Variants in ADIG observed in about 807,000 individuals in gnomAD.
The protein encoded by ADIG is adipogenesis associated.
Under a neutral mutation model 10.7 loss-of-function variants are expected in ADIG, and 12 were observed. That is an observed-to-expected ratio of 1.12 (90% CI 0.72 to 1.82). The LOEUF (loss-of-function observed/expected upper bound fraction) is 1.82, where lower values mean the gene tolerates loss of function less well. Among genes scored for constraint, ADIG ranks in the 40% most tolerant of loss-of-function variants. The pLI is 0.00. For missense variants in ADIG, 72 were observed against 92.5 expected (o/e 0.78, Z 0.91); for synonymous variants, 32 against 35.6 (o/e 0.90, Z 0.36).
In ADIG at chr20:38,586,212, T is replaced by C. The variant is rs1035584065; in HGVS notation, c.*14+51T>C. 1.2e-5 allele frequency: 18 copies of C among 1,468,300 alleles called. No homozygotes were observed. The Admixed American group carries it at 3.6e-4, about 30-fold the overall frequency. 91.0% of individuals were successfully genotyped at this position (1,468,300 alleles called of 1,614,324 possible). A position where few individuals can be genotyped will look rare whatever the true frequency, so the allele number is the denominator to read the frequency against. ...GAGCCTCAAGGCCCACCCAAAGCCT[T>C]GGGCAGCTGCTATGTGGGCAAGAGG... On this transcript the variant is annotated intron_variant, in intron 2 of 2. Coordinates refer to ENST00000537425, the MANE Select transcript of ADIG (RefSeq NM_001393816.1).
chr20:38,583,191 C>G (rs188669969), intron 1 of ADIG, among the ~76,000 whole-genome samples: 1 of 152,322 alleles, frequency 6.6e-6, no homozygotes, highest in African/African-American at 2.4e-5. Context: ...AGACCTTGTG[C>G]TAAACACTGG....
At position 38,581,382 on chromosome 20, in the gene ADIG, T is replaced by G. The variant is rs185271694; in HGVS notation, c.124+8T>G. 4.4e-4 allele frequency: 717 copies of G among 1,613,932 alleles called. No individual in the cohort carries two copies. Among genetic ancestry groups the G allele is most frequent in the Non-Finnish European group, 5.7e-4 (672 of 1,179,826 alleles). ...GCTTCTTACTTAGCCAAGGTGAGCT[T>G]CTTACCCCGTCCAGGCAGGACCCTA... On this transcript the variant is annotated splice_region_variant and intron_variant, in intron 1 of 2. Transcript: ENST00000537425.
In ADIG at chr20:38,586,031, T is replaced by A; in HGVS notation, c.127T>A (p.Ser43Thr). The change falls in exon 2 of 3, where the codon TCA (serine) becomes ACA (threonine). Residue 43 changes from serine to threonine, a missense_variant and splice_region_variant. Physicochemically the swap from Ser to Thr is moderately conservative, Grantham distance 58. Coordinates refer to ENST00000537425, the MANE Select transcript of ADIG (RefSeq NM_001393816.1). The part of the protein sequence containing the change: ...IWLRFLLSQD[S>T]EENDSSVCLD... The stretch of plus-strand genomic sequence containing the variant: ...GGCCTTGCCTCGTATCTCCACAGAT[T>A]CAGAGGAAAATGACTCCAGTGTGTG... The A allele has an allele frequency of 6.2e-7, 1 of 1,605,078 alleles. No individual in the cohort carries two copies. Among genetic ancestry groups the A allele is most frequent in the Non-Finnish European group, 8.5e-7 (1 of 1,175,934 alleles).
chr20:38,582,810 C>T (rs1261050845), intron 1 of ADIG, among the ~76,000 whole-genome samples: 1 of 151,740 alleles, frequency 6.6e-6, no homozygotes, highest in African/African-American at 2.4e-5. Flanking sequence ...CAGATATCAT[C>T]CTTTTTTTTT....
chr20:38,588,206 C>T lies in ADIG; in HGVS notation c.*120C>T. On this transcript the variant is annotated 3_prime_UTR_variant, in exon 3 of 3. Coordinates refer to ENST00000537425, the MANE Select transcript of ADIG (RefSeq NM_001393816.1). ...TGGCAACTGTGGTGCCTCCCTGGAA[C>T]CCCCAACTCATCTCCTCTTCAGACC... 3.1e-6 allele frequency: 4 copies of T among 1,304,668 alleles called. No homozygotes were observed. The highest frequency in any genetic ancestry group is 1.2e-5 in the South Asian group (1 of 81,022). The allele number at this position is 1,304,668 out of a possible 1,614,324, so 80.8% of individuals were successfully genotyped here. A position where few individuals can be genotyped will look rare whatever the true frequency, so the allele number is the denominator to read the frequency against.
At chr20:38,586,284 C>A in intron 2 of ADIG, 123 bp downstream of exon 2, 1 of 734,872 alleles carries the variant, frequency 1.4e-6, no homozygotes, top group Non-Finnish European at 2.2e-6. Flanking sequence ...TGCTGGATGA[C>A]GGGTTCTCTC....
intron 1 of ADIG, among the ~76,000 whole-genome samples, chr20:38,582,637 A>G (rs949066377): frequency 6.6e-6 from 1 of 152,112 alleles, no homozygotes; most frequent in African/African-American, 2.4e-5. Context: ...TTGTTTCTAG[A>G]AAGTGTTTAT....
At chr20:38,583,049 C>T (rs988273956) in intron 1 of ADIG, among the ~76,000 whole-genome samples, 1 of 152,098 alleles carries the variant, frequency 6.6e-6, no homozygotes, top group Non-Finnish European at 1.5e-5. Context: ...AACTCCTGAG[C>T]TCAGGTGATC....
At chr20:38,585,828 G>A in intron 1 of ADIG, 1 of 621,142 alleles carries the variant, frequency 1.6e-6, no homozygotes, top group Non-Finnish European at 2.8e-6. Context: ...CACAGGAGCA[G>A]CCTTCTTTCT....
intron 1 of ADIG, chr20:38,585,444 AAGTC>A (rs1296688206): frequency 3.9e-6 from 6 of 1,550,590 alleles, no homozygotes; most frequent in Non-Finnish European, 5.2e-6. Context: ...GATATTCTGC[AAGTC>A]AGAAGATACA....
intron 1 of ADIG, 41 bp downstream of exon 1, chr20:38,581,415 A>C (rs1396870569): frequency 6.2e-7 from 1 of 1,612,716 alleles, no homozygotes; most frequent in Non-Finnish European, 8.5e-7. Flanking sequence ...CTAATCCTGG[A>C]GCTAGGCAGG....
chr20:38,586,354 G>T (rs1356175287), intron 2 of ADIG, 193 bp downstream of exon 2: 1 of 564,118 alleles, frequency 1.8e-6, no homozygotes, highest in Non-Finnish European at 3.2e-6. Flanking sequence ...CTGTTAAAGG[G>T]CCAGCCCCCT....
intron 1 of ADIG, 81 bp downstream of exon 1, chr20:38,581,455 A>C: frequency 2.5e-6 from 4 of 1,581,560 alleles, no homozygotes; most frequent in Non-Finnish European, 8.6e-7. Flanking sequence ...GTCCTGAAAC[A>C]ACTGCAGAAG....
chr20:38,587,703 C>T (rs2088649580), intron 2 of ADIG, among the ~76,000 whole-genome samples: 1 of 143,124 alleles, frequency 7.0e-6, no homozygotes, highest in Non-Finnish European at 1.5e-5. Context: ...TCCCTTCCCA[C>T]CCCCATCACT....
intron 2 of ADIG, among the ~76,000 whole-genome samples, chr20:38,586,870 C>A (rs1179708209): frequency 1.6e-5 from 2 of 127,052 alleles, no homozygotes; most frequent in African/African-American, 8.4e-5. Context: ...GAGGCACACA[C>A]ACATACTCTC....
At chr20:38,586,240 GC>G in intron 2 of ADIG, 79 bp downstream of exon 2, 1 of 1,160,098 alleles carries the variant, frequency 8.6e-7, no homozygotes, top group Non-Finnish European at 1.2e-6. Flanking sequence ...GCAAGAGGCT[GC>G]CTCCACCATA....
intron 1 of ADIG, chr20:38,585,580 A>G: frequency 2.0e-6 from 3 of 1,502,408 alleles, no homozygotes; most frequent in Non-Finnish European, 2.7e-6. Flanking sequence ...GTGGACGTGG[A>G]CACAGTTTCC....
chr20:38,584,349 A>G (rs1467466175), intron 1 of ADIG, among the ~76,000 whole-genome samples: 2 of 152,230 alleles, frequency 1.3e-5, no homozygotes, highest in African/African-American at 2.4e-5. Flanking sequence ...ACACCCTTCA[A>G]GGGGAAGATG....
Position 38,588,166 on chromosome 20 carries a change from G to C in ADIG, c.*80G>C. 1 of 1,304,738 alleles carries C rather than the reference G, an allele frequency of 7.7e-7. No individual in the cohort carries two copies. The highest frequency in any genetic ancestry group is 1.0e-6 in the Non-Finnish European group (1 of 988,866). 80.8% of individuals were successfully genotyped at this position (1,304,738 alleles called of 1,614,324 possible). A position where few individuals can be genotyped will look rare whatever the true frequency, so the allele number is the denominator to read the frequency against. ...AAGTGGATGGGAGAGACTTGCCAGGGAGGCAAGAGGACTTTGGCAACTGTG... is the reference window on the plus strand; with the variant it reads ...AAGTGGATGGGAGAGACTTGCCAGGCAGGCAAGAGGACTTTGGCAACTGTG... On this transcript the variant is annotated 3_prime_UTR_variant, in exon 3 of 3. Transcript: ENST00000537425.
Sources: allele counts gnomAD v4.1 joint callset (sites outside exome capture counted in the v4.1 genomes callset), GRCh38; gene constraint gnomAD v4.1.1; transcripts MANE v1.5; gene names NCBI Gene and HGNC (gene_info 2026-07-23, HGNC 2026-07-21).